Variants in MEPCE observed in about 807,000 individuals in gnomAD.
MEPCE encodes the protein 7SK snRNA methylphosphate capping enzyme.
Under a neutral mutation model 52.3 loss-of-function variants are expected in MEPCE, and 9 were observed. The ratio of observed to expected loss-of-function variants is 0.17; its 90% CI spans 0.10 to 0.30. The LOEUF (loss-of-function observed/expected upper bound fraction) is 0.30. MEPCE is among the 10% of genes least tolerant of loss of function. The pLI, the probability that MEPCE is intolerant of heterozygous loss-of-function variation, is 1.00. For synonymous variants in MEPCE, 477 were observed against 401.6 expected, an observed-to-expected ratio of 1.19 and a Z score of -2.25; for missense variants, 826 against 933.0, an observed-to-expected ratio of 0.89 and a Z score of 1.49.
rs1157086843 is a variant in MEPCE, at chr7:100,430,976, A to G, written c.958A>G (p.Thr320Ala). 1.2e-6 allele frequency: 2 copies of G among 1,611,926 alleles called. No individual in the cohort carries two copies. Among genetic ancestry groups the G allele is most frequent in the East Asian group, 4.5e-5 (2 of 44,826 alleles). The change falls in exon 1 of 4, where the codon ACA becomes GCA. Residue 320 changes from threonine to alanine, a missense_variant. This residue lies in a region of MEPCE where 307 missense variants were observed against 292.1 expected (regional missense o/e 1.05). Coordinates refer to ENST00000310512, the MANE Select transcript of MEPCE (RefSeq NM_019606.6). ...TGCCCCCCAACCCTATGAACTCAACACAGCCATCAACTGCAGGGATGAAGT... is the reference window on the plus strand; with the variant it reads ...TGCCCCCCAACCCTATGAACTCAACGCAGCCATCAACTGCAGGGATGAAGT... ...RDAPQPYELN[T>A]AINCRDEVVS... is the part of the protein sequence containing the mutation.
In MEPCE at chr7:100,430,035, CGGA is replaced by C; in HGVS notation, c.19_21del (p.Glu7del). The C allele has an allele frequency of 1.6e-6, 2 of 1,271,592 alleles. No individual in the cohort carries two copies. Among genetic ancestry groups the C allele is most frequent in the Non-Finnish European group, 2.0e-6 (2 of 1,009,390 alleles). The allele number at this position is 1,271,592 out of a possible 1,614,324, so 78.8% of individuals were successfully genotyped here. A position where few individuals can be genotyped will look rare whatever the true frequency, so the allele number is the denominator to read the frequency against. On this transcript the variant is annotated inframe_deletion, in exon 1 of 4. Coordinates refer to ENST00000310512, the MANE Select transcript of MEPCE (RefSeq NM_019606.6). ...GGGGAGGAAATGATCGAGATGGCGG[CGGA>C]GAAGGAGCCGTTTCTGGTGCCGGCC...
At chr7:100,428,797 G>A (rs906977023), upstream of MEPCE, 3 of 152,250 alleles carry the variant, frequency 2.0e-5, no homozygotes, top group Admixed American at 6.5e-5. Context: ...GGTGTTGAGA[G>A]GCCCGCGAAC....
At position 100,431,494 on chromosome 7, in the gene MEPCE, C is replaced by G. The variant is rs1161380882; in HGVS notation, c.1476C>G (p.Ser492=). ...SARQNIRHYL[S]EELRLPPQTL... is the part of the protein sequence containing the mutation. ...GCCAAAACATCCGACACTACCTTTC[C>G]GAGGAGCTGCGTCTCCCACCCCAGA... is the stretch of plus-strand genomic sequence containing the variant. Residue 492 remains serine (S), a synonymous_variant, in exon 1 of 4, where the codon TCC becomes TCG. Coordinates refer to ENST00000310512, the MANE Select transcript of MEPCE (RefSeq NM_019606.6). The G allele has an allele frequency of 1.2e-6, 2 of 1,613,502 alleles. No homozygotes were observed. Among genetic ancestry groups the G allele is most frequent in the Non-Finnish European group, 1.7e-6 (2 of 1,180,020 alleles).
Position 100,433,665 on chromosome 7 carries a change from C to T in MEPCE, c.*111C>T, listed in dbSNP as rs1037120232. ...CCTTTCTGACTCCAAAAATAGTTTC[C>T]TTTCTTGGATCTGCAAAGAAAGCTT... On this transcript the variant is annotated 3_prime_UTR_variant, in exon 4 of 4. Transcript: ENST00000310512. 8.8e-7 allele frequency: 1 copy of T among 1,135,816 alleles called. No individual in the cohort carries two copies. The highest frequency in any genetic ancestry group is 1.3e-6 in the Non-Finnish European group (1 of 782,492). 70.4% of individuals were successfully genotyped at this position (1,135,816 alleles called of 1,614,324 possible). A position where few individuals can be genotyped will look rare whatever the true frequency, so the allele number is the denominator to read the frequency against.
In MEPCE at chr7:100,431,124, C is replaced by G; in HGVS notation, c.1106C>G (p.Ser369Cys). ...CGACATCGCAAACGTCGCAGGACTT[C>G]CAGCAAGTCGGAGGCAGGGGCTAGG... ...SSRHRKRRRTSSKSEAGARGG... is the reference protein window; with the variant it reads ...SSRHRKRRRTCSKSEAGARGG... Residue 369 changes from serine (S) to cysteine (C), a missense_variant, in exon 1 of 4, where the codon TCC becomes TGC. This residue lies in a region of MEPCE where 307 missense variants were observed against 292.1 expected (regional missense o/e 1.05). Transcript: ENST00000310512. 6.2e-7 allele frequency: 1 copy of G among 1,613,790 alleles called. No individual in the cohort carries two copies. The highest frequency in any genetic ancestry group is 8.5e-7 in the Non-Finnish European group (1 of 1,180,040).
Position 100,431,488 on chromosome 7 carries a change from C to T in MEPCE, c.1470C>T (p.Tyr490=), listed in dbSNP as rs925323228. 6.2e-7 allele frequency: 1 copy of T among 1,613,654 alleles called. No individual in the cohort carries two copies. The change falls in exon 1 of 4, where the codon TAC becomes TAT. Residue 490 remains tyrosine (Y), a synonymous_variant. Coordinates refer to ENST00000310512, the MANE Select transcript of MEPCE (RefSeq NM_019606.6). The stretch of plus-strand genomic sequence containing the variant: ...CTGCCCGCCAAAACATCCGACACTA[C>T]CTTTCCGAGGAGCTGCGTCTCCCAC... ...IHSARQNIRH[Y]LSEELRLPPQ... is the part of the protein sequence containing the mutation.
chr7:100,430,952 G>GC lies in MEPCE; in HGVS notation c.940dup (p.Gln314ProfsTer4). 1 of 1,608,272 alleles carries GC rather than the reference G, an allele frequency of 6.2e-7. No individual in the cohort carries two copies. The highest frequency in any genetic ancestry group is 8.5e-7 in the Non-Finnish European group (1 of 1,176,412). On this transcript the variant is annotated frameshift_variant, in exon 1 of 4. Coordinates refer to ENST00000310512, the MANE Select transcript of MEPCE (RefSeq NM_019606.6). LOFTEE classifies it high-confidence loss of function. ...GCGGCACAGGGGCCAGAACCGGGATGCCCCCCAACCCTATGAACTCAACAC... is the reference window on the plus strand; with the variant it reads ...GCGGCACAGGGGCCAGAACCGGGATGCCCCCCCAACCCTATGAACTCAACAC...
upstream of MEPCE, chr7:100,428,838 G>C (rs573045830): frequency 6.6e-6 from 1 of 152,390 alleles, no homozygotes; most frequent in Non-Finnish European, 1.5e-5. Flanking sequence ...GTCGGGAGTG[G>C]GCGGATGCGT....
Position 100,430,727 on chromosome 7 carries a change from G to C in MEPCE, c.709G>C (p.Asp237His). ...GATCCTCATCCCCAAAGATATTACT[G>C]ACCCGCTCAGTCTCAATACTTGCAC... ...VEILIPKDIT[D>H]PLSLNTCTDE... The change falls in exon 1 of 4, where the codon GAC becomes CAC. Residue 237 changes from aspartate (D) to histidine (H), a missense_variant. Physicochemically the swap from Asp to His is moderately conservative, Grantham distance 81. Coordinates refer to ENST00000310512, the MANE Select transcript of MEPCE (RefSeq NM_019606.6). 1 of 1,613,874 alleles carries C rather than the reference G, an allele frequency of 6.2e-7. No individual in the cohort carries two copies. Among genetic ancestry groups the C allele is most frequent in the Non-Finnish European group, 8.5e-7 (1 of 1,180,020 alleles).
In MEPCE at chr7:100,433,712, C is replaced by G; in HGVS notation, c.*158C>G. 1 of 747,536 alleles carries G rather than the reference C, an allele frequency of 1.3e-6. No individual in the cohort carries two copies. Among genetic ancestry groups the G allele is most frequent in the South Asian group, 1.8e-5 (1 of 55,926 alleles). The allele number at this position is 747,536 out of a possible 1,614,324, so 46.3% of individuals were successfully genotyped here. A position where few individuals can be genotyped will look rare whatever the true frequency, so the allele number is the denominator to read the frequency against. On this transcript the variant is annotated 3_prime_UTR_variant, in exon 4 of 4. Coordinates refer to ENST00000310512, the MANE Select transcript of MEPCE (RefSeq NM_019606.6). ...GCTTTTCTTCCGTCGCTGCCTCAGC[C>G]TCCTCCCTATGCCTCTGGCACCTGC...
At position 100,430,570 on chromosome 7, in the gene MEPCE, C is replaced by G; in HGVS notation, c.552C>G (p.Asn184Lys). The stretch of plus-strand genomic sequence containing the variant: ...ACTGTGACTCTGTGTTACCCTCCAA[C>G]TTCCTCCTGGGGGGCAATATCTTTG... Reference protein sequence around the residue: ...NSDCDSVLPSNFLLGGNIFDP... With the variant: ...NSDCDSVLPSKFLLGGNIFDP... The change falls in exon 1 of 4, where the codon AAC becomes AAG. Residue 184 changes from asparagine (N) to lysine (K), a missense_variant. Asn to Lys is a moderately conservative substitution (Grantham distance 94). Coordinates refer to ENST00000310512, the MANE Select transcript of MEPCE (RefSeq NM_019606.6). 1 of 1,601,660 alleles carries G rather than the reference C, an allele frequency of 6.2e-7. No homozygotes were observed. Among genetic ancestry groups the G allele is most frequent in the Non-Finnish European group, 8.5e-7 (1 of 1,173,666 alleles).
At position 100,431,637 on chromosome 7, in the gene MEPCE, C is replaced by T; in HGVS notation, c.1619C>T (p.Pro540Leu). ...GGTCCCATCGCTGCCCCCCAAGTGC[C>T]CTTGGATGGAGCGGACACATCAGTC... ...SRGPIAAPQV[P>L]LDGADTSVFP... The change falls in exon 1 of 4, where the codon CCC becomes CTC. Residue 540 changes from proline (P) to leucine (L), a missense_variant. Transcript: ENST00000310512. 6.2e-7 allele frequency: 1 copy of T among 1,606,578 alleles called. No homozygotes were observed. The highest frequency in any genetic ancestry group is 8.5e-7 in the Non-Finnish European group (1 of 1,179,918).
chr7:100,430,838 C>T lies in MEPCE; in HGVS notation c.820C>T (p.Gln274Ter). The change falls in exon 1 of 4, where the codon CAG becomes TAG. Residue 274 changes from glutamine to a stop codon, truncating the protein, a stop_gained. Coordinates refer to ENST00000310512, the MANE Select transcript of MEPCE (RefSeq NM_019606.6). LOFTEE classifies it high-confidence loss of function. Reference protein sequence around the residue: ...RHRGQHHQQQQAAGGSESHPV... With the variant: ...RHRGQHHQQQ ...CCGGGGACAGCACCACCAGCAGCAG[C>T]AGGCAGCCGGAGGGAGTGAGAGTCA... is the stretch of plus-strand genomic sequence containing the variant. 1 of 1,611,440 alleles carries T rather than the reference C, an allele frequency of 6.2e-7. No homozygotes were observed. Among genetic ancestry groups the T allele is most frequent in the Non-Finnish European group, 8.5e-7 (1 of 1,178,294 alleles).
At position 100,430,213 on chromosome 7, in the gene MEPCE, C is replaced by T; in HGVS notation, c.195C>T (p.Val65=). The change falls in exon 1 of 4, where the codon GTC becomes GTT. Residue 65 remains valine, a synonymous_variant. Transcript: ENST00000310512. ...CTGCGGGGTCCCCAGCCGCTGCGGTCGGTCGGGAAAGCCCCGGGGCCGCGG... is the reference window on the plus strand; with the variant it reads ...CTGCGGGGTCCCCAGCCGCTGCGGTTGGTCGGGAAAGCCCCGGGGCCGCGG... ...APSAGSPAAA[V]GRESPGAAAT... is the part of the protein sequence containing the mutation. 1.5e-6 allele frequency: 2 copies of T among 1,311,878 alleles called. No individual in the cohort carries two copies. Among genetic ancestry groups the T allele is most frequent in the Non-Finnish European group, 1.9e-6 (2 of 1,033,966 alleles). The allele number at this position is 1,311,878 out of a possible 1,614,324, so 81.3% of individuals were successfully genotyped here. A position where few individuals can be genotyped will look rare whatever the true frequency, so the allele number is the denominator to read the frequency against.
In MEPCE at chr7:100,430,893, C is replaced by T. The variant is rs759624319; in HGVS notation, c.875C>T (p.Pro292Leu). The stretch of plus-strand genomic sequence containing the variant: ...GTGCCGCCCACAGCCCCTCTCACCC[C>T]CTTACTCCACGGGGAGGGCGCCTCA... The part of the protein sequence containing the change: ...HPVPPTAPLT[P>L]LLHGEGASQQ... The change falls in exon 1 of 4, where the codon CCC (proline) becomes CTC (leucine). Residue 292 changes from proline to leucine, a missense_variant. Transcript: ENST00000310512. The T allele has an allele frequency of 6.8e-6, 11 of 1,609,456 alleles. No homozygotes were observed. The highest frequency in any genetic ancestry group is 3.3e-5 in the South Asian group (3 of 90,688).
chr7:100,430,198 C>G lies in MEPCE; in HGVS notation c.180C>G (p.Ser60=). The change falls in exon 1 of 4, where the codon TCC becomes TCG. Residue 60 remains serine (S), a synonymous_variant. Transcript: ENST00000310512. ...GTCGTTGCGCGCCATCTGCGGGGTC[C>G]CCAGCCGCTGCGGTCGGTCGGGAAA... is the stretch of plus-strand genomic sequence containing the variant. The part of the protein sequence containing the change: ...GPGRCAPSAG[S]PAAAVGRESP... 1 of 1,311,086 alleles carries G rather than the reference C, an allele frequency of 7.6e-7. No individual in the cohort carries two copies. Among genetic ancestry groups the G allele is most frequent in the Non-Finnish European group, 9.7e-7 (1 of 1,033,366 alleles). 81.2% of individuals were successfully genotyped at this position (1,311,086 alleles called of 1,614,324 possible).
rs138242134 is a variant in MEPCE at position 100,433,026 on chromosome 7, C to G, written c.1779C>G (p.Asp593Glu). 1.2e-6 allele frequency: 2 copies of G among 1,613,852 alleles called. No homozygotes were observed. Among genetic ancestry groups the G allele is most frequent in the Admixed American group, 3.3e-5 (2 of 60,006 alleles). ...LTKWVHLNWG[D>E]EGLKRMFRRI... is the part of the protein sequence containing the mutation. Reference sequence around the variant, plus strand: ...AGTGGGTGCATCTGAACTGGGGAGACGAGGGCCTGAAGCGCATGTTTCGCC... The same window carrying G: ...AGTGGGTGCATCTGAACTGGGGAGAGGAGGGCCTGAAGCGCATGTTTCGCC... The change falls in exon 2 of 4, where the codon GAC becomes GAG. Residue 593 changes from aspartate (D) to glutamate (E), a missense_variant. Asp to Glu is a conservative substitution (Grantham distance 45). Transcript: ENST00000310512.
Position 100,432,955 on chromosome 7 carries a change from G to T in MEPCE, c.1708G>T (p.Ala570Ser), listed in dbSNP as rs770809902. 6.8e-6 allele frequency: 11 copies of T among 1,613,918 alleles called. No individual in the cohort carries two copies. Among genetic ancestry groups the T allele is most frequent in the Non-Finnish European group, 9.3e-6 (11 of 1,180,022 alleles). The change falls in exon 2 of 4, where the codon GCC (alanine) becomes TCC (serine). Residue 570 changes from alanine (A) to serine (S), a missense_variant. This residue lies in a region of MEPCE where 107 missense variants were observed against 157.9 expected (regional missense o/e 0.68). Coordinates refer to ENST00000310512, the MANE Select transcript of MEPCE (RefSeq NM_019606.6). ...GCTGGATCGAGATGACCTGGTGGAGGCCCAAACACCTGAGTATGATGTGGT... is the reference window on the plus strand; with the variant it reads ...GCTGGATCGAGATGACCTGGTGGAGTCCCAAACACCTGAGTATGATGTGGT... ...YVLDRDDLVE[A>S]QTPEYDVVLC...
rs1798758826 is a variant in MEPCE, at chr7:100,432,824, A to G, written c.1672-95A>G. The G allele has an allele frequency of 4.5e-6, 5 of 1,120,990 alleles. No individual in the cohort carries two copies. The South Asian group carries it at 5.4e-5, about 12-fold the overall frequency. 69.4% of individuals were successfully genotyped at this position (1,120,990 alleles called of 1,614,324 possible). ...AAGAAAGTGGCCACGGGCTAAAGTG[A>G]GGCCGCGGGACTGTATCGGCCTCAG... On this transcript the variant is annotated intron_variant, in intron 1 of 3. Coordinates refer to ENST00000310512, the MANE Select transcript of MEPCE (RefSeq NM_019606.6).
Sources: gnomAD v4.1 joint callset for allele counts on GRCh38, gnomAD v4.1.1 for gene constraint, gnomAD v4.1.1 regional missense constraint, MANE v1.5 for transcripts, NCBI Gene and HGNC (gene_info 2026-07-23, HGNC 2026-07-21) for gene names.